PLS1: variants seen among roughly 807,000 people sequenced by gnomAD.
The protein encoded by PLS1 is plastin-1.
In PLS1, 32 loss-of-function variants were observed where a neutral mutation model predicts 73.7. That is an observed-to-expected ratio of 0.43 (90% CI 0.33 to 0.58). The LOEUF (loss-of-function observed/expected upper bound fraction) is 0.58. PLS1 is among the 20% of genes least tolerant of loss of function. PLS1 has a pLI of 0.04. For synonymous variants in PLS1, 217 were observed against 261.3 expected (o/e 0.83, Z 1.63); for missense variants, 633 against 740.5 (o/e 0.85, Z 1.68).
Position 142,647,528 on chromosome 3 carries a change from A to C in PLS1, c.-36-16674A>C, listed in dbSNP as rs186138189. On this transcript the variant is annotated intron_variant, in intron 1 of 15. Coordinates refer to ENST00000457734, the MANE Select transcript of PLS1 (RefSeq NM_001145319.2). ...CTTTTTTTTTTTTTTCTTGAGACGG[A>C]GTCTCGCACTGTTGCCCTGGCTGGA... 6.0e-3 allele frequency among the ~76,000 whole-genome samples: 795 copies of C among 132,254 alleles called. 4 individuals carry two copies. Among genetic ancestry groups the C allele is most frequent in the Middle Eastern group, 0.013 (3 of 224 alleles). 86.8% of individuals were successfully genotyped at this position (132,254 alleles called of 152,430 possible).
chr3:142,686,245 A>T, intron 8 of PLS1, 39 bp from the exon 9 acceptor site: 1 of 1,172,296 alleles, frequency 8.5e-7, no homozygotes, highest in Non-Finnish European at 1.3e-6. Flanking sequence ...TGATGATTTT[A>T]TTCGTTTTAA....
rs1258064930 is a variant in PLS1 at position 142,669,465 on chromosome 3, G to A, written c.146G>A (p.Gly49Asp). ...AAGGAAGCAAGCCTTCCTCTGCCTG[G>A]CTACAAGGTGCGCGAGATTGTGGAG... ...LFKEASLPLP[G>D]YKVREIVEKI... The change falls in exon 3 of 16, where the codon GGC (glycine) becomes GAC (aspartate). Residue 49 changes from glycine to aspartate, a missense_variant. Gly to Asp is a moderately conservative substitution (Grantham distance 94, BLOSUM62 -1). Transcript: ENST00000457734. 5.0e-6 allele frequency: 8 copies of A among 1,612,858 alleles called. No homozygotes were observed. The Admixed American group carries it at 8.3e-5, about 17-fold the overall frequency.
In PLS1 at chr3:142,689,654, C is replaced by T. The variant is rs1205785970; in HGVS notation, c.1018C>T (p.Gln340Ter). 19 of 1,609,738 alleles carry T rather than the reference C, an allele frequency of 1.2e-5. No homozygotes were observed. The highest frequency in any genetic ancestry group is 1.6e-5 in the Non-Finnish European group (19 of 1,178,276). ...NDLKRAGLML[Q>*]EADKLGCKQF... Reference sequence around the variant, plus strand: ...CCTGAAGCGTGCTGGACTCATGCTTCAAGAAGCAGATAAACTGGGCTGCAA... The same window carrying T: ...CCTGAAGCGTGCTGGACTCATGCTTTAAGAAGCAGATAAACTGGGCTGCAA... Residue 340 changes from glutamine to a stop codon, truncating the protein, a stop_gained, in exon 10 of 16, where the codon CAA becomes TAA. Coordinates refer to ENST00000457734, the MANE Select transcript of PLS1 (RefSeq NM_001145319.2). LOFTEE classifies it high-confidence loss of function.
chr3:142,646,631 C>T (rs1416865461), intron 1 of PLS1, among the ~76,000 whole-genome samples: 4 of 152,258 alleles, frequency 2.6e-5, no homozygotes, highest in Non-Finnish European at 4.4e-5. Context: ...CAGATAGCAG[C>T]AGAGGCATCT....
chr3:142,619,029 G>T lies in PLS1; in HGVS notation c.-37+22520G>T, dbSNP rs150138907. The stretch of plus-strand genomic sequence containing the variant: ...GACAAATAAGATAGCGGTGGTTATC[G>T]CTACCAGCAGGGCTCCAAGCATTCA... On this transcript the variant is annotated intron_variant, in intron 1 of 15. Transcript: ENST00000457734. 1.8e-3 allele frequency among the ~76,000 whole-genome samples: 278 copies of T among 152,296 alleles called. 1 individual carries two copies. The highest frequency in any genetic ancestry group is 6.5e-3 in the African/African-American group (270 of 41,550).
At chr3:142,616,206 T>C (rs2036213343) in intron 1 of PLS1, among the ~76,000 whole-genome samples, 1 of 152,160 alleles carries the variant, frequency 6.6e-6, no homozygotes, top group Non-Finnish European at 1.5e-5. Context: ...CAGATAATCC[T>C]GCCCTGTAGT....
rs1030936373 is a variant in PLS1, at chr3:142,615,025, G to A, written c.-37+18516G>A. Among the ~76,000 whole-genome samples the A allele has an allele frequency of 3.3e-5, 5 of 152,088 alleles. No individual in the cohort carries two copies. In the East Asian group the frequency reaches 7.7e-4, roughly 23 times the overall value. On this transcript the variant is annotated intron_variant, in intron 1 of 15. Transcript: ENST00000457734. Reference sequence around the variant, plus strand: ...AGAAGCATCCATCTGCAGGATCTGGGTAGGGTGGGCAGAACACGGAACAGA... The same window carrying A: ...AGAAGCATCCATCTGCAGGATCTGGATAGGGTGGGCAGAACACGGAACAGA...
intron 1 of PLS1, among the ~76,000 whole-genome samples, chr3:142,655,788 C>T (rs185064272): frequency 6.6e-6 from 1 of 151,890 alleles, no homozygotes; most frequent in Admixed American, 6.6e-5. Flanking sequence ...CACTTTACCC[C>T]CGGTGCGCTG....
chr3:142,681,240 C>T (rs142499816), intron 6 of PLS1, among the ~76,000 whole-genome samples: 137 of 151,662 alleles, frequency 9.0e-4, no homozygotes, highest in African/African-American at 3.1e-3. Flanking sequence ...TAAATGTATA[C>T]GATAGTAAGA....
intron 1 of PLS1, among the ~76,000 whole-genome samples, chr3:142,615,096 G>T (rs2036191598): frequency 6.6e-6 from 1 of 152,150 alleles, no homozygotes; most frequent in Admixed American, 6.5e-5. Flanking sequence ...GTAGAGTGGG[G>T]GTAGTTAAGA....
At chr3:142,632,860 A>C (rs1261910057) in intron 1 of PLS1, among the ~76,000 whole-genome samples, 2 of 152,166 alleles carry the variant, frequency 1.3e-5, no homozygotes, top group Non-Finnish European at 2.9e-5. Context: ...TGGCCTTCCA[A>C]AGTGCTGGGA....
At position 142,677,454 on chromosome 3, in the gene PLS1, G is replaced by A. The variant is rs138346699; in HGVS notation, c.498-578G>A. ...TGAGGTCAGGAGTTTGAGACCAGCC[G>A]GGCCAACATGGTGAAACCCCATCTC... On this transcript the variant is annotated intron_variant, in intron 5 of 15. Transcript: ENST00000457734. Among the ~76,000 whole-genome samples the A allele has an allele frequency of 8.0e-3, 1,215 of 151,752 alleles. 4 individuals carry two copies. Among genetic ancestry groups the A allele is most frequent in the Non-Finnish European group, 0.013 (859 of 67,884 alleles).
intron 1 of PLS1, chr3:142,623,491 G>A (rs962649967): frequency 2.6e-5 from 4 of 152,196 alleles, no homozygotes; most frequent in South Asian, 4.1e-4. Flanking sequence ...AGCTTAGGAA[G>A]ACTGAATTTT....
At position 142,711,996 on chromosome 3, in the gene PLS1, A is replaced by C; in HGVS notation, c.1879A>C (p.Arg627=). ...FACLMGKGLN[R]IK ...ATGCTTAATGGGAAAAGGACTGAAC[A>C]GAATAAAATAATCATTTCATATGAT... The change falls in exon 16 of 16, where the codon AGA becomes CGA. Residue 627 remains arginine (R), a synonymous_variant. Coordinates refer to ENST00000457734, the MANE Select transcript of PLS1 (RefSeq NM_001145319.2). 1 of 1,612,760 alleles carries C rather than the reference A, an allele frequency of 6.2e-7. No homozygotes were observed.
intron 4 of PLS1, among the ~76,000 whole-genome samples, chr3:142,671,464 T>A (rs2037602659): frequency 6.6e-6 from 1 of 152,154 alleles, no homozygotes; most frequent in African/African-American, 2.4e-5. Context: ...TGGCTTTTCA[T>A]CCTGACTGAT....
chr3:142,705,518 G>A (rs1009723143), intron 14 of PLS1, among the ~76,000 whole-genome samples: 1 of 152,186 alleles, frequency 6.6e-6, no homozygotes, highest in East Asian at 1.9e-4. Context: ...GCCGATGTTA[G>A]CTACAAATAA....
At chr3:142,624,341 G>A (rs2036375240) in intron 1 of PLS1, among the ~76,000 whole-genome samples, 2 of 152,156 alleles carry the variant, frequency 1.3e-5, no homozygotes, top group South Asian at 4.1e-4. Flanking sequence ...AAGTGAGCAA[G>A]TTGCTCTTTA....
intron 1 of PLS1, among the ~76,000 whole-genome samples, chr3:142,615,621 T>C (rs1406833400): frequency 6.6e-6 from 1 of 152,072 alleles, no homozygotes; most frequent in Non-Finnish European, 1.5e-5. Flanking sequence ...CTTCCTAATA[T>C]CCTTCTTCCC....
In PLS1 at chr3:142,599,000, G is replaced by GA. The variant is rs561633157; in HGVS notation, c.-37+2504dup. On this transcript the variant is annotated intron_variant, in intron 1 of 15. Coordinates refer to ENST00000457734, the MANE Select transcript of PLS1 (RefSeq NM_001145319.2). Reference sequence around the variant, plus strand: ...TGGGCGACAGTGCAAGACTGCATCTGAAAAAAAAAAAAAGTACCTCGAATT... The same window carrying GA: ...TGGGCGACAGTGCAAGACTGCATCTGAAAAAAAAAAAAAAGTACCTCGAATT... 3.2e-3 allele frequency among the ~76,000 whole-genome samples: 441 copies of GA among 139,274 alleles called. 1 individual carries two copies. Among genetic ancestry groups the GA allele is most frequent in the South Asian group, 4.9e-3 (22 of 4,454 alleles). 91.4% of individuals were successfully genotyped at this position (139,274 alleles called of 152,430 possible). A position where few individuals can be genotyped will look rare whatever the true frequency, so the allele number is the denominator to read the frequency against.
Sources: gnomAD v4.1 joint callset for allele counts (sites outside exome capture counted in the v4.1 genomes callset) on GRCh38, gnomAD v4.1.1 for gene constraint, MANE v1.5 for transcripts, NCBI Gene and HGNC (gene_info 2026-07-23, HGNC 2026-07-21) for gene names.